DENND2B: variants seen among roughly 807,000 people sequenced by gnomAD.
DENND2B encodes the protein DENN domain containing 2B.
DENND2B carries 32 observed loss-of-function variants against 116.0 expected under a neutral mutation model. The ratio of observed to expected loss-of-function variants is 0.28; its 90% CI spans 0.21 to 0.37. DENND2B has a LOEUF of 0.37. DENND2B is among the 10% of genes least tolerant of loss of function. DENND2B has a pLI of 1.00. For missense variants in DENND2B, 1,276 were observed against 1,477.7 expected, an observed-to-expected ratio of 0.86 and a Z score of 2.24; for synonymous variants, 588 against 583.9, an observed-to-expected ratio of 1.01 and a Z score of -0.10.
intron 4 of DENND2B, chr11:8,835,817 A>G (rs1297749314): frequency 1.3e-5 from 2 of 152,244 alleles, no homozygotes; most frequent in African/African-American, 2.4e-5. Context: ...CCCAGATCAA[A>G]CTATTACTTC....
At chr11:8,808,590 A>G (rs1440723834) in intron 1 of DENND2B, 6 of 152,246 alleles carry the variant, frequency 3.9e-5, no homozygotes, top group African/African-American at 1.4e-4. Context: ...GCAGAAAGGA[A>G]GAAGGCACTT....
chr11:8,849,153 TTAAAA>T (rs1316339613), intron 3 of DENND2B, among the ~76,000 whole-genome samples: 1 of 152,018 alleles, frequency 6.6e-6, no homozygotes. Context: ...CACTGAACAC[TTAAAA>T]TAAGACAGTC....
intron 1 of DENND2B, among the ~76,000 whole-genome samples, chr11:8,896,582 G>A (rs79909355): frequency 0.032 from 4,845 of 152,158 alleles, 245 homozygotes; most frequent in African/African-American, 0.11. Context: ...ATTTGACTTC[G>A]GTTTTTTCAA....
At chr11:8,769,672 C>G (rs939149553) in intron 1 of DENND2B, among the ~76,000 whole-genome samples, 32 of 152,190 alleles carry the variant, frequency 2.1e-4, no homozygotes, top group African/African-American at 6.8e-4. Context: ...TCTGAGCCAG[C>G]CTTTTTGCCA....
intron 2 of DENND2B, among the ~76,000 whole-genome samples, chr11:8,865,167 C>A (rs540753855): frequency 6.6e-6 from 1 of 152,250 alleles, no homozygotes; most frequent in East Asian, 1.9e-4. Flanking sequence ...AAATGATTCC[C>A]AGACTTCTAG....
chr11:8,832,741 C>G (rs2062266938), intron 4 of DENND2B, among the ~76,000 whole-genome samples: 1 of 152,200 alleles, frequency 6.6e-6, no homozygotes, highest in Non-Finnish European at 1.5e-5. Flanking sequence ...TGGGCCCTGA[C>G]TGGGAGGCAC....
intron 1 of DENND2B, among the ~76,000 whole-genome samples, chr11:8,801,167 A>AGG (rs1026523539): frequency 1.3e-5 from 2 of 151,806 alleles, no homozygotes; most frequent in Non-Finnish European, 2.9e-5. Context: ...CTCCTCAGAG[A>AGG]GGGGCCCGCT....
intron 4 of DENND2B, among the ~76,000 whole-genome samples, chr11:8,821,687 A>T (rs370084446): frequency 3.3e-5 from 5 of 152,260 alleles, no homozygotes; most frequent in Non-Finnish European, 7.3e-5. Context: ...ATGTAAAGAC[A>T]TATGCAAGTG....
intron 4 of DENND2B, among the ~76,000 whole-genome samples, chr11:8,837,727 C>A (rs778772329): frequency 6.6e-6 from 1 of 152,174 alleles, no homozygotes; most frequent in Non-Finnish European, 1.5e-5. Context: ...TCATACCACC[C>A]TCAGGGTACA....
chr11:8,904,968 C>A (rs560343372), intron 1 of DENND2B, among the ~76,000 whole-genome samples: 37 of 152,198 alleles, frequency 2.4e-4, no homozygotes, highest in African/African-American at 7.9e-4. Context: ...GTTAAGATTG[C>A]AATTCTTCCT....
chr11:8,810,491 T>A (rs535893735), intron 1 of DENND2B, 26 bp downstream of exon 1: 1 of 152,402 alleles, frequency 6.6e-6, no homozygotes, highest in South Asian at 2.1e-4. Flanking sequence ...GGAGGCCAAA[T>A]GATCCCAGCC....
chr11:8,771,417 CAT>C (rs754895181), intron 1 of DENND2B, among the ~76,000 whole-genome samples: 1 of 151,710 alleles, frequency 6.6e-6, no homozygotes, highest in Non-Finnish European at 1.5e-5. Context: ...CGTGTGTGCA[CAT>C]GTGTGTTACT....
At chr11:8,721,674 C>T (rs918288173) in intron 4 of DENND2B, among the ~76,000 whole-genome samples, 29 of 152,338 alleles carry the variant, frequency 1.9e-4, no homozygotes, top group African/African-American at 6.5e-4. Context: ...CACCATTTCT[C>T]GACAGCCCCG....
chr11:8,852,517 T>A (rs1446116951), intron 3 of DENND2B, among the ~76,000 whole-genome samples: 3 of 152,068 alleles, frequency 2.0e-5, no homozygotes, highest in Non-Finnish European at 2.9e-5. Context: ...AAACAAATGA[T>A]AACAGAAGAG....
intron 1 of DENND2B, among the ~76,000 whole-genome samples, chr11:8,770,696 A>T (rs950409182): frequency 2.6e-5 from 4 of 152,050 alleles, no homozygotes; most frequent in African/African-American, 7.3e-5. Flanking sequence ...TAATTTATTT[A>T]AAAAATCTTT....
At chr11:8,858,014 A>T (rs941169383) in intron 2 of DENND2B, among the ~76,000 whole-genome samples, 2 of 152,188 alleles carry the variant, frequency 1.3e-5, no homozygotes, top group Non-Finnish European at 2.9e-5. Flanking sequence ...ATCCAGAACA[A>T]ATTACACAGT....
chr11:8,695,068 AAAAT>A (rs1220314670), intron 19 of DENND2B, among the ~76,000 whole-genome samples: 1 of 152,092 alleles, frequency 6.6e-6, no homozygotes, highest in Non-Finnish European at 1.5e-5. Flanking sequence ...CCTCTAAAAT[AAAAT>A]AAATAAAATA....
intron 4 of DENND2B, among the ~76,000 whole-genome samples, chr11:8,720,282 T>C (rs1203002198): frequency 6.6e-6 from 1 of 152,144 alleles, no homozygotes; most frequent in Non-Finnish European, 1.5e-5. Flanking sequence ...CACTCCCTCC[T>C]TCCTTCCTTC....
chr11:8,752,191 G>A (rs543646529), intron 1 of DENND2B, among the ~76,000 whole-genome samples: 3 of 152,308 alleles, frequency 2.0e-5, no homozygotes, highest in East Asian at 1.9e-4. Context: ...GGTGGCTCAC[G>A]CCTGTAATCC....
Sources: allele counts gnomAD v4.1 joint callset (sites outside exome capture counted in the v4.1 genomes callset), GRCh38; gene constraint gnomAD v4.1.1; transcripts MANE v1.5; gene names NCBI Gene and HGNC (gene_info 2026-07-23, HGNC 2026-07-21).